The following CDH12 variants were observed in gnomAD, a reference collection of about 807,000 sequenced individuals.
The protein encoded by CDH12 is cadherin-12.
A neutral mutation model predicts 74.1 loss-of-function variants in CDH12; 41 were observed. That is an observed-to-expected ratio of 0.55 (90% CI 0.43 to 0.72). The LOEUF (loss-of-function observed/expected upper bound fraction) is 0.72. CDH12 is among the 30% of genes least tolerant of loss of function. CDH12 has a pLI of 0.00. For synonymous variants in CDH12, 399 were observed against 355.0 expected, an observed-to-expected ratio of 1.12 and a Z score of -1.39; for missense variants, 945 against 977.2, an observed-to-expected ratio of 0.97 and a Z score of 0.44.
chr5:22,184,214 T>G (rs1399998291), intron 4 of CDH12, among the ~76,000 whole-genome samples: 1 of 152,192 alleles, frequency 6.6e-6, no homozygotes, highest in African/African-American at 2.4e-5. Context: ...CCAAAGTTTT[T>G]GGCATGTAAC....
At chr5:21,874,474 A>T (rs1751822484) in intron 6 of CDH12, among the ~76,000 whole-genome samples, 1 of 152,208 alleles carries the variant, frequency 6.6e-6, no homozygotes, top group South Asian at 2.1e-4. Flanking sequence ...AGGCAAAAAC[A>T]GGAGGTAAAG....
chr5:22,242,090 G>A (rs529404250), intron 3 of CDH12, among the ~76,000 whole-genome samples: 30 of 151,954 alleles, frequency 2.0e-4, no homozygotes, highest in Non-Finnish European at 3.4e-4. Flanking sequence ...TTCATTCTAC[G>A]TTTTATTTGT....
At chr5:21,857,766 G>C (rs910565168) in intron 6 of CDH12, among the ~76,000 whole-genome samples, 12 of 151,908 alleles carry the variant, frequency 7.9e-5, no homozygotes, top group African/African-American at 2.9e-4. Flanking sequence ...TATTGTATTG[G>C]TCAGCTCAGG....
intron 1 of CDH12, among the ~76,000 whole-genome samples, chr5:22,765,681 AT>A (rs1323124626): frequency 2.6e-5 from 4 of 151,688 alleles, no homozygotes; most frequent in African/African-American, 9.7e-5. Context: ...TCGGTAACAG[AT>A]TTTTTTTCAT....
rs377393677 is a variant in CDH12, at chr5:21,969,617, G to A, written c.526+5474C>T. Among the ~76,000 whole-genome samples, 281 of 151,940 alleles carry A rather than the reference G, an allele frequency of 1.8e-3. 5 individuals are homozygous for A. The South Asian group carries it at 0.046, about 25-fold the overall frequency. ...CCTAACTAAGCCTTTAGATCAGACC[G>A]CAACCCCAGCCAACAAGGTAGCTAC... On this transcript the variant is annotated intron_variant, in intron 6 of 14. Coordinates refer to ENST00000382254, the MANE Select transcript of CDH12 (RefSeq NM_004061.5).
chr5:21,766,394 G>A (rs771382156), intron 11 of CDH12, among the ~76,000 whole-genome samples: 92 of 152,000 alleles, frequency 6.1e-4, no homozygotes, highest in Admixed American at 1.0e-3. Context: ...TATTCAGAAA[G>A]TACATATTAT....
intron 1 of CDH12, among the ~76,000 whole-genome samples, chr5:22,607,938 G>T (rs912751602): frequency 1.3e-5 from 2 of 152,204 alleles, no homozygotes; most frequent in Admixed American, 1.3e-4. Context: ...GGAACACCTG[G>T]AAGTCCAGGC....
chr5:22,426,514 G>A (rs1743947476), intron 2 of CDH12, among the ~76,000 whole-genome samples: 1 of 151,816 alleles, frequency 6.6e-6, no homozygotes, highest in Non-Finnish European at 1.5e-5. Flanking sequence ...CAAAATGATA[G>A]GCAAGAACCC....
chr5:22,199,121 G>C (rs1470091664), intron 4 of CDH12, among the ~76,000 whole-genome samples: 1 of 152,140 alleles, frequency 6.6e-6, no homozygotes, highest in Non-Finnish European at 1.5e-5. Flanking sequence ...ACAAGGAAAT[G>C]CTTACTCAGA....
At chr5:22,194,697 C>A (rs556235711) in intron 4 of CDH12, among the ~76,000 whole-genome samples, 1 of 152,236 alleles carries the variant, frequency 6.6e-6, no homozygotes, top group East Asian at 1.9e-4. Flanking sequence ...GCAGTGTGGT[C>A]TTAATGAAAA....
At position 21,898,696 on chromosome 5, in the gene CDH12, A is replaced by G. The variant is rs952446482; in HGVS notation, c.527-43906T>C. ...CAGCCTGGCAACAGAGCGAGACTCC[A>G]TCTCAAAAAAATAAGTAAATAAATA... On this transcript the variant is annotated intron_variant, in intron 6 of 14. Transcript: ENST00000382254. 9.3e-4 allele frequency among the ~76,000 whole-genome samples: 141 copies of G among 152,046 alleles called. 2 individuals are homozygous for G. Among genetic ancestry groups the G allele is most frequent in the South Asian group, 2.1e-4 (1 of 4,830 alleles).
At chr5:22,549,242 A>C (rs1580755217) in intron 1 of CDH12, among the ~76,000 whole-genome samples, 1 of 151,720 alleles carries the variant, frequency 6.6e-6, no homozygotes, top group African/African-American at 2.4e-5. Context: ...CAAAGTGCTG[A>C]GATTATAGAC....
chr5:22,215,661 AC>A (rs781598211), intron 3 of CDH12, among the ~76,000 whole-genome samples: 4 of 152,162 alleles, frequency 2.6e-5, no homozygotes, highest in Admixed American at 2.0e-4. Flanking sequence ...AATATATTAG[AC>A]CAAAATTATG....
intron 1 of CDH12, among the ~76,000 whole-genome samples, chr5:22,734,183 T>C (rs1220733017): frequency 6.6e-6 from 1 of 152,014 alleles, no homozygotes; most frequent in African/African-American, 2.4e-5. Context: ...TAACACACAT[T>C]AAATGCTTAG....
intron 5 of CDH12, among the ~76,000 whole-genome samples, chr5:21,980,034 C>A (rs1269548762): frequency 1.3e-5 from 2 of 151,452 alleles, no homozygotes; most frequent in Non-Finnish European, 2.9e-5. Context: ...TCTCTGATGG[C>A]CAGTGATGAT....
Position 22,372,234 on chromosome 5 carries a change from A to T in CDH12, c.-333+33023T>A, listed in dbSNP as rs545086374. Among the ~76,000 whole-genome samples, 33 of 152,224 alleles carry T rather than the reference A, an allele frequency of 2.2e-4. 1 individual carries two copies. In the East Asian group the frequency reaches 6.2e-3, roughly 29 times the overall value. ...AGAGGAACTGAAATAGCAAGTAGAT[A>T]TTGACACATTGGATAGATCATCTAA... On this transcript the variant is annotated intron_variant, in intron 3 of 14. Coordinates refer to ENST00000382254, the MANE Select transcript of CDH12 (RefSeq NM_004061.5).
intron 6 of CDH12, among the ~76,000 whole-genome samples, chr5:21,858,395 G>C (rs1052589377): frequency 1.3e-5 from 2 of 151,696 alleles, no homozygotes; most frequent in Non-Finnish European, 2.9e-5. Flanking sequence ...ACTTAAATTT[G>C]AGTCAATATT....
chr5:22,288,019 A>C (rs1737231756), intron 3 of CDH12, among the ~76,000 whole-genome samples: 1 of 152,158 alleles, frequency 6.6e-6, no homozygotes, highest in African/African-American at 2.4e-5. Flanking sequence ...AATGGTGCAC[A>C]GAGCATTATG....
chr5:22,689,944 C>T (rs963670893), intron 1 of CDH12, among the ~76,000 whole-genome samples: 3 of 151,820 alleles, frequency 2.0e-5, no homozygotes, highest in East Asian at 1.9e-4. Flanking sequence ...TTTTTAACCC[C>T]AAATTTGAAT....
Sources: allele counts gnomAD v4.1 joint callset (sites outside exome capture counted in the v4.1 genomes callset), GRCh38; gene constraint gnomAD v4.1.1; transcripts MANE v1.5; gene names NCBI Gene and HGNC (gene_info 2026-07-23, HGNC 2026-07-21).